Variants in A1CF observed in about 807,000 individuals in gnomAD.
The protein encoded by A1CF is APOBEC1 complementation factor, also known as APOBEC-1 stimulating protein.
In A1CF, 48 loss-of-function variants were observed where a neutral mutation model predicts 68.9. The ratio of observed to expected loss-of-function variants is 0.70; its 90% CI spans 0.55 to 0.89. The LOEUF (loss-of-function observed/expected upper bound fraction) is 0.89, where lower values mean the gene tolerates loss of function less well. Among genes scored for constraint, A1CF ranks in the 40% least tolerant of loss-of-function variants. The pLI is 0.00. For synonymous variants in A1CF, 272 were observed against 260.4 expected (o/e 1.04, Z -0.43); for missense variants, 653 against 718.9 (o/e 0.91, Z 1.05).
At chr10:50,827,951 G>A (rs1006440082) in intron 7 of A1CF, among the ~76,000 whole-genome samples, 180 bp downstream of exon 7, 2 of 151,812 alleles carry the variant, frequency 1.3e-5, no homozygotes, top group Non-Finnish European at 2.9e-5. Context: ...AATGATAAAG[G>A]GGATATCGCC....
chr10:50,857,411 C>G (rs192154317), intron 3 of A1CF, among the ~76,000 whole-genome samples: 50 of 152,226 alleles, frequency 3.3e-4, no homozygotes, highest in Non-Finnish European at 5.1e-4. Flanking sequence ...GAGCACCAAG[C>G]AGGATGAGAA....
chr10:50,858,913 AACTATT>A (rs934189623), intron 3 of A1CF, among the ~76,000 whole-genome samples: 1 of 152,138 alleles, frequency 6.6e-6, no homozygotes, highest in Non-Finnish European at 1.5e-5. Flanking sequence ...TGAAGAAAAT[AACTATT>A]ACTATGTCTA....
intron 7 of A1CF, 123 bp from the exon 8 acceptor site, chr10:50,820,772 G>A (rs1472699003): frequency 3.1e-6 from 2 of 651,678 alleles, no homozygotes; most frequent in African/African-American, 3.7e-5. Context: ...ATTTAAGTAA[G>A]GATCTCATCA....
At chr10:50,818,053 C>T (rs112870656) in intron 8 of A1CF, among the ~76,000 whole-genome samples, 3 of 152,058 alleles carry the variant, frequency 2.0e-5, no homozygotes, top group Admixed American at 6.6e-5. Context: ...CCTTCTTTTT[C>T]ACCCCATCTC....
chr10:50,844,392 G>C (rs1839909496), intron 3 of A1CF, among the ~76,000 whole-genome samples: 1 of 151,586 alleles, frequency 6.6e-6, no homozygotes, highest in Admixed American at 6.6e-5. Context: ...TAATTTCATT[G>C]AGTAAGAACA....
chr10:50,864,267 A>G (rs1483200084), intron 1 of A1CF, among the ~76,000 whole-genome samples, 187 bp from the exon 2 acceptor site: 1 of 152,226 alleles, frequency 6.6e-6, no homozygotes, highest in African/African-American at 2.4e-5. Context: ...ATGAAATGAG[A>G]AAACACCTGT....
At chr10:50,807,319 C>T (rs940145921) in intron 12 of A1CF, among the ~76,000 whole-genome samples, 1 of 152,090 alleles carries the variant, frequency 6.6e-6, no homozygotes, top group African/African-American at 2.4e-5. Flanking sequence ...CTCCTGTAAC[C>T]CCACACCTGC....
chr10:50,811,968 G>A (rs1177293599), intron 10 of A1CF, among the ~76,000 whole-genome samples: 1 of 152,184 alleles, frequency 6.6e-6, no homozygotes, highest in East Asian at 1.9e-4. Context: ...AAATAACTCT[G>A]TAAGACAGAA....
intron 7 of A1CF, among the ~76,000 whole-genome samples, chr10:50,821,113 G>C (rs1838643025): frequency 6.6e-6 from 1 of 151,950 alleles, no homozygotes; most frequent in Non-Finnish European, 1.5e-5. Flanking sequence ...TTAAATATTA[G>C]GTAACTACAG....
chr10:50,819,257 C>T (rs1838522578), intron 8 of A1CF, among the ~76,000 whole-genome samples: 1 of 152,156 alleles, frequency 6.6e-6, no homozygotes, highest in Non-Finnish European at 1.5e-5. Flanking sequence ...CCCGGAGTAG[C>T]TGGGACTACT....
intron 1 of A1CF, among the ~76,000 whole-genome samples, chr10:50,880,971 T>C (rs911765582): frequency 2.6e-4 from 40 of 152,148 alleles, no homozygotes; most frequent in African/African-American, 9.6e-4. Context: ...TTATGTCCTC[T>C]CTTCACTGTT....
chr10:50,816,195 C>T lies in A1CF; in HGVS notation c.952G>A (p.Gly318Arg). 1 of 1,613,744 alleles carries T rather than the reference C, an allele frequency of 6.2e-7. No individual in the cohort carries two copies. Among genetic ancestry groups the T allele is most frequent in the Non-Finnish European group, 8.5e-7 (1 of 1,179,832 alleles). The change falls in exon 9 of 13, where the codon GGA becomes AGA. Residue 318 changes from glycine to arginine, a missense_variant. By Grantham distance (125) the Gly-to-Arg change is moderately radical (BLOSUM62 -2). Coordinates refer to ENST00000373997, the MANE Select transcript of A1CF (RefSeq NM_014576.4). Reference protein sequence around the residue: ...SYVRYTRGTGGRGTMLQGEYT... With the variant: ...SYVRYTRGTGRRGTMLQGEYT... ...TCTCCTTGCAGCATGGTGCCCCTTC[C>T]ACCTGTGCCTCGGGTATACCTAACA...
At chr10:50,874,555 G>C (rs564371578) in intron 1 of A1CF, among the ~76,000 whole-genome samples, 3 of 152,152 alleles carry the variant, frequency 2.0e-5, no homozygotes, top group Non-Finnish European at 4.4e-5. Flanking sequence ...AATAGTACGA[G>C]ATTTAACTGC....
intron 8 of A1CF, among the ~76,000 whole-genome samples, chr10:50,816,967 A>G (rs896568495): frequency 6.6e-6 from 1 of 152,204 alleles, no homozygotes; most frequent in Non-Finnish European, 1.5e-5. Flanking sequence ...CAGGGATGAC[A>G]GGGGTCAGGA....
At chr10:50,818,001 T>C (rs1838452200) in intron 8 of A1CF, among the ~76,000 whole-genome samples, 1 of 152,146 alleles carries the variant, frequency 6.6e-6, no homozygotes. Flanking sequence ...CCTTCCTGAC[T>C]TTCATAACAA....
chr10:50,843,657 C>T lies in A1CF; in HGVS notation c.234+331G>A, dbSNP rs1564516527. Among the ~76,000 whole-genome samples the T allele has an allele frequency of 2.0e-5, 3 of 152,214 alleles. No homozygotes were observed. In the East Asian group the frequency reaches 5.8e-4, roughly 29 times the overall value. The stretch of plus-strand genomic sequence containing the variant: ...ACTGTATTAAAATTTCAAGTTGGAG[C>T]AATATCTAATTTTAGACAGGTTATT... On this transcript the variant is annotated intron_variant, in intron 4 of 12. Transcript: ENST00000373997.
chr10:50,861,045 T>A (rs977448000), intron 2 of A1CF, among the ~76,000 whole-genome samples: 1 of 152,106 alleles, frequency 6.6e-6, no homozygotes, highest in African/African-American at 2.4e-5. Flanking sequence ...CTTTTGAAAA[T>A]TTTCTGTCAT....
At chr10:50,823,840 T>G (rs1394411628) in intron 7 of A1CF, 1 of 152,192 alleles carries the variant, frequency 6.6e-6, no homozygotes, top group Non-Finnish European at 1.5e-5. Flanking sequence ...ATGGTTAAAC[T>G]GATACGTGGT....
At chr10:50,882,847 T>A (rs542950046) in intron 1 of A1CF, among the ~76,000 whole-genome samples, 1 of 152,348 alleles carries the variant, frequency 6.6e-6, no homozygotes, top group East Asian at 1.9e-4. Context: ...TTCTAAGGGA[T>A]GACAATTTTT....
Sources: allele counts gnomAD v4.1 joint callset (sites outside exome capture counted in the v4.1 genomes callset), GRCh38; gene constraint gnomAD v4.1.1; transcripts MANE v1.5; gene names NCBI Gene and HGNC (gene_info 2026-07-23, HGNC 2026-07-21).